IL1RAPL2: variants seen among roughly 807,000 people sequenced by gnomAD.
IL1RAPL2 encodes the protein X-linked interleukin-1 receptor accessory protein-like 2.
In IL1RAPL2, 3 loss-of-function variants were observed where a neutral mutation model predicts 44.1. That is an observed-to-expected ratio of 0.07 (90% confidence interval 0.03 to 0.18). The LOEUF is 0.18. Among genes scored for constraint, IL1RAPL2 ranks in the 10% least tolerant of loss-of-function variants. The pLI, the probability that IL1RAPL2 is intolerant of heterozygous loss-of-function variation, is 1.00. For synonymous variants in IL1RAPL2, 181 were observed against 178.8 expected (o/e 1.01, Z -0.10); for missense variants, 391 against 496.4 (o/e 0.79, Z 2.02).
intron 6 of IL1RAPL2, among the ~76,000 whole-genome samples, chrX:105,626,571 C>T (rs762008076): frequency 2.7e-5 from 3 of 110,802 alleles, no homozygotes; most frequent in Non-Finnish European, 3.8e-5. Flanking sequence ...TAAACATGGT[C>T]AATGGCAAAT....
chrX:105,425,995 A>AT (rs1463872455), intron 5 of IL1RAPL2, among the ~76,000 whole-genome samples: 3 of 101,236 alleles, frequency 3.0e-5, no homozygotes, highest in East Asian at 6.3e-4. Context: ...AAAATCTGTA[A>AT]TTTTCTTGTT....
intron 6 of IL1RAPL2, among the ~76,000 whole-genome samples, chrX:105,645,522 T>C (rs1170454566): frequency 8.9e-6 from 1 of 112,056 alleles, no homozygotes. Flanking sequence ...TTGATAGGTA[T>C]GGAAACAAAA....
chrX:105,022,268 G>A (rs773293872), intron 2 of IL1RAPL2, among the ~76,000 whole-genome samples: 1 of 110,990 alleles, frequency 9.0e-6, no homozygotes, highest in Admixed American at 9.7e-5. Flanking sequence ...CTAGCACTTA[G>A]AAGGATGAGG....
intron 5 of IL1RAPL2, among the ~76,000 whole-genome samples, chrX:105,468,812 TA>T (rs752980156): frequency 8.6e-4 from 96 of 112,072 alleles, no homozygotes; most frequent in African/African-American, 2.9e-3. Context: ...AGATGACATA[TA>T]AATGATATTT....
intron 4 of IL1RAPL2, among the ~76,000 whole-genome samples, chrX:105,237,233 C>T (rs2034128038): frequency 8.9e-6 from 1 of 112,135 alleles, no homozygotes; most frequent in Non-Finnish European, 1.9e-5. Flanking sequence ...TTTCTTAATC[C>T]AGTCTATCAT....
chrX:105,674,269 G>A (rs1447019654), intron 6 of IL1RAPL2, among the ~76,000 whole-genome samples: 2 of 111,592 alleles, frequency 1.8e-5, no homozygotes, highest in Non-Finnish European at 3.8e-5. Context: ...ATGTTATTGT[G>A]TAGATTTTCT....
intron 6 of IL1RAPL2, among the ~76,000 whole-genome samples, chrX:105,497,059 T>C (rs749804807): frequency 8.9e-6 from 1 of 111,744 alleles, no homozygotes; most frequent in East Asian, 2.8e-4. Context: ...AATATATTTA[T>C]TGGGTATATA....
intron 2 of IL1RAPL2, among the ~76,000 whole-genome samples, chrX:104,760,093 G>A (rs1159427872): frequency 4.5e-5 from 5 of 111,455 alleles, no homozygotes; most frequent in African/African-American, 1.3e-4. Context: ...AATGATCTCC[G>A]GTTCCATCCA....
At chrX:105,518,109 G>C (rs913706975) in intron 6 of IL1RAPL2, among the ~76,000 whole-genome samples, 4 of 110,928 alleles carry the variant, frequency 3.6e-5, no homozygotes, top group Non-Finnish European at 7.6e-5. Context: ...TCGGATAGGA[G>C]GTCTTTGGTG....
chrX:105,594,861 A>G (rs1278263690), intron 6 of IL1RAPL2, among the ~76,000 whole-genome samples: 1 of 111,432 alleles, frequency 9.0e-6, no homozygotes, highest in Admixed American at 9.6e-5. Context: ...AAAAATGGGA[A>G]CAGTAGACAC....
intron 6 of IL1RAPL2, among the ~76,000 whole-genome samples, chrX:105,504,425 T>C (rs2036417082): frequency 9.0e-6 from 1 of 111,700 alleles, no homozygotes; most frequent in Non-Finnish European, 1.9e-5. Flanking sequence ...GCTTACTCAT[T>C]TTATGACAGA....
At chrX:104,917,977 T>C (rs755273004) in intron 2 of IL1RAPL2, among the ~76,000 whole-genome samples, 1 of 111,626 alleles carries the variant, frequency 9.0e-6, no homozygotes, top group South Asian at 3.8e-4. Flanking sequence ...CTTTACCAGA[T>C]ATACTAATTA....
intron 10 of IL1RAPL2, 122 bp from the exon 11 acceptor site, chrX:105,766,842 A>C (rs1342497473): frequency 1.5e-5 from 7 of 472,782 alleles, no homozygotes; most frequent in Non-Finnish European, 2.5e-5. Flanking sequence ...ACCATACAAG[A>C]AAAGAAAATG....
chrX:105,139,519 A>G (rs2033107055), intron 2 of IL1RAPL2, among the ~76,000 whole-genome samples: 1 of 111,702 alleles, frequency 9.0e-6, no homozygotes, highest in African/African-American at 3.3e-5. Flanking sequence ...AAACAATAGA[A>G]ATTTATTTCT....
At chrX:105,460,399 A>C (rs1014784826) in intron 5 of IL1RAPL2, among the ~76,000 whole-genome samples, 1 of 108,404 alleles carries the variant, frequency 9.2e-6, no homozygotes, top group Non-Finnish European at 1.9e-5. Context: ...TCTCTCCTTT[A>C]TTCTTCCTTC....
intron 4 of IL1RAPL2, among the ~76,000 whole-genome samples, chrX:105,254,141 A>G (rs886386603): frequency 1.8e-5 from 2 of 111,895 alleles, no homozygotes; most frequent in South Asian, 3.8e-4. Context: ...GCTTTCCACA[A>G]TGGTTGAACT....
At chrX:105,582,948 C>G (rs1232973390) in intron 6 of IL1RAPL2, among the ~76,000 whole-genome samples, 3 of 110,054 alleles carry the variant, frequency 2.7e-5, no homozygotes, top group African/African-American at 9.9e-5. Flanking sequence ...GAAATATCTC[C>G]TTCTGGATTT....
At chrX:104,887,874 A>G (rs1365495794) in intron 2 of IL1RAPL2, among the ~76,000 whole-genome samples, 1 of 111,805 alleles carries the variant, frequency 8.9e-6, no homozygotes. Context: ...ACTTGAAAAT[A>G]AGCCTCTTCC....
intron 2 of IL1RAPL2, among the ~76,000 whole-genome samples, chrX:104,965,391 C>T (rs1037214668): frequency 8.0e-5 from 9 of 112,034 alleles, no homozygotes; most frequent in Non-Finnish European, 1.3e-4. Context: ...AAATCTGCAA[C>T]ATCTCATGTG....
Sources: gnomAD v4.1 joint callset for allele counts (sites outside exome capture counted in the v4.1 genomes callset) on GRCh38, gnomAD v4.1.1 for gene constraint, MANE v1.5 for transcripts, NCBI Gene and HGNC (gene_info 2026-07-23, HGNC 2026-07-21) for gene names.